TRIM8: variants seen among roughly 807,000 people sequenced by gnomAD.
TRIM8 encodes the protein tripartite motif containing 8, also known as E3 ubiquitin-protein ligase TRIM8.
TRIM8 carries 9 observed loss-of-function variants against 55.7 expected under a neutral mutation model. The observed-to-expected ratio is 0.16, with a 90% CI of 0.10 to 0.28. TRIM8 has a LOEUF of 0.28. Ranked by LOEUF, TRIM8 falls within the 10% of genes least tolerant of loss-of-function variation. The pLI, the probability that TRIM8 is intolerant of heterozygous loss-of-function variation, is 1.00. For synonymous variants in TRIM8, 335 were observed against 333.3 expected, an observed-to-expected ratio of 1.01 and a Z score of -0.06; for missense variants, 556 against 736.4, an observed-to-expected ratio of 0.76 and a Z score of 2.83.
At chr10:102,654,393 C>T (rs1184616412) in intron 1 of TRIM8, 6 of 354,762 alleles carry the variant, frequency 1.7e-5, no homozygotes, top group Non-Finnish European at 2.1e-5. Context: ...GCCGAGATCG[C>T]ACCACTGCAC....
rs761943893 is a variant in TRIM8, at chr10:102,644,873, C to G, written c.256C>G (p.Pro86Ala). The change falls in exon 1 of 6, where the codon CCG (proline) becomes GCG (alanine). Residue 86 changes from proline to alanine, a missense_variant. Physicochemically the swap from Pro to Ala is conservative, Grantham distance 27 (BLOSUM62 -1). This residue lies in a region of TRIM8 where 165 missense variants were observed against 295.3 expected (regional missense o/e 0.56). Coordinates refer to ENST00000643721, the MANE Select transcript of TRIM8 (RefSeq NM_030912.3). ...EKFNALHVEKPPAALHCVFCR... is the reference protein window; with the variant it reads ...EKFNALHVEKAPAALHCVFCR... ...GTTCAATGCCCTGCACGTGGAGAAG[C>G]CGCCGGCGGCGCTGCACTGCGTGTT... 14 of 1,611,572 alleles carry G rather than the reference C, an allele frequency of 8.7e-6. No homozygotes were observed. In the African/African-American group the frequency reaches 1.7e-4, roughly 20 times the overall value.
intron 1 of TRIM8, among the ~76,000 whole-genome samples, chr10:102,652,120 C>G (rs1296544526): frequency 6.6e-6 from 1 of 152,156 alleles, no homozygotes; most frequent in Non-Finnish European, 1.5e-5. Flanking sequence ...AGGTCCTGTC[C>G]TGGGTCACTG....
Position 102,656,225 on chromosome 10 carries a change from C to G in TRIM8, c.933-45C>G, listed in dbSNP as rs773076986. ...ATGGCGGGGAGGTAGGGCGGGCTCACCGGTGATGCCTCCTCACAGCAGATG... is the reference window on the plus strand; with the variant it reads ...ATGGCGGGGAGGTAGGGCGGGCTCAGCGGTGATGCCTCCTCACAGCAGATG... On this transcript the variant is annotated intron_variant, in intron 4 of 5. Coordinates refer to ENST00000643721, the MANE Select transcript of TRIM8 (RefSeq NM_030912.3). The surrounding 1 kb of genome is among the most constrained non-coding windows in gnomAD (Gnocchi z 4.6). 1.2e-6 allele frequency: 2 copies of G among 1,614,080 alleles called. No individual in the cohort carries two copies. Among genetic ancestry groups the G allele is most frequent in the Non-Finnish European group, 1.7e-6 (2 of 1,179,986 alleles).
chr10:102,649,968 T>TGG (rs1163086257), intron 1 of TRIM8, among the ~76,000 whole-genome samples: 1 of 151,956 alleles, frequency 6.6e-6, no homozygotes, highest in East Asian at 1.9e-4. Context: ...GAGCCAGAAC[T>TGG]GGAGCTGGCC....
intron 1 of TRIM8, chr10:102,653,824 G>A (rs1452880900): frequency 6.6e-6 from 1 of 152,240 alleles, no homozygotes; most frequent in Admixed American, 6.5e-5. Context: ...CGTGGCTATG[G>A]AAGGGAATTT....
At position 102,656,642 on chromosome 10, in the gene TRIM8, T is replaced by G. The variant is rs2064027364; in HGVS notation, c.1049-105T>G. 7 of 1,480,340 alleles carry G rather than the reference T, an allele frequency of 4.7e-6. No individual in the cohort carries two copies. Among genetic ancestry groups the G allele is most frequent in the Non-Finnish European group, 6.3e-6 (7 of 1,106,754 alleles). The allele number at this position is 1,480,340 out of a possible 1,614,324, so 91.7% of individuals were successfully genotyped here. ...GCAAGCATCACCTGAGATGTAACAT[T>G]CTTGGGCCTCTAGGTGTCAATGGTC... On this transcript the variant is annotated intron_variant, in intron 5 of 5. Coordinates refer to ENST00000643721, the MANE Select transcript of TRIM8 (RefSeq NM_030912.3). The surrounding 1 kb of genome is among the most constrained non-coding windows in gnomAD (Gnocchi z 4.6).
At chr10:102,649,129 C>T (rs1273495743) in intron 1 of TRIM8, 1 of 152,286 alleles carries the variant, frequency 6.6e-6, no homozygotes, top group East Asian at 1.9e-4. Flanking sequence ...ACATGGGTGT[C>T]TCTGAGAAGG....
chr10:102,651,867 G>GA (rs1329727785), intron 1 of TRIM8, among the ~76,000 whole-genome samples: 2 of 152,248 alleles, frequency 1.3e-5, no homozygotes, highest in African/African-American at 4.8e-5. Flanking sequence ...CCTTCCCTGT[G>GA]AGGGGGTTGG....
At position 102,644,881 on chromosome 10, in the gene TRIM8, G is replaced by A. The variant is rs754196622; in HGVS notation, c.264G>A (p.Ala88=). The change falls in exon 1 of 6, where the codon GCG becomes GCA. Residue 88 remains alanine, a synonymous_variant. Coordinates refer to ENST00000643721, the MANE Select transcript of TRIM8 (RefSeq NM_030912.3). ...CCCTGCACGTGGAGAAGCCGCCGGC[G>A]GCGCTGCACTGCGTGTTCTGCCGCC... ...FNALHVEKPP[A]ALHCVFCRRG... is the part of the protein sequence containing the mutation. 5.6e-6 allele frequency: 9 copies of A among 1,611,306 alleles called. No individual in the cohort carries two copies. The highest frequency in any genetic ancestry group is 6.8e-6 in the Non-Finnish European group (8 of 1,179,308).
chr10:102,644,842 G>A lies in TRIM8; in HGVS notation c.225G>A (p.Val75=), dbSNP rs1322879682. 2 of 1,612,834 alleles carry A rather than the reference G, an allele frequency of 1.2e-6. No homozygotes were observed. Among genetic ancestry groups the A allele is most frequent in the South Asian group, 2.2e-5 (2 of 91,040 alleles). Residue 75 remains valine, a synonymous_variant, in exon 1 of 6, where the codon GTG becomes GTA. Transcript: ENST00000643721. The part of the protein sequence containing the change: ...LEKNLKLTNI[V]EKFNALHVEK... The stretch of plus-strand genomic sequence containing the variant: ...AGAACCTGAAGCTCACCAACATCGT[G>A]GAGAAGTTCAATGCCCTGCACGTGG...
chr10:102,654,929 C>T (rs2064011318), intron 2 of TRIM8, 151 bp from the exon 3 acceptor site: 1 of 966,786 alleles, frequency 1.0e-6, no homozygotes, highest in South Asian at 1.4e-5. Context: ...CCTGTGCTAC[C>T]AGTGGGGAAC....
rs1021075569 is a variant in TRIM8, at chr10:102,645,377, G to C, written c.570+190G>C. 5 of 583,364 alleles carry C rather than the reference G, an allele frequency of 8.6e-6. No homozygotes were observed. The Admixed American group carries it at 1.5e-4, about 17-fold the overall frequency. 36.1% of individuals were successfully genotyped at this position (583,364 alleles called of 1,614,324 possible). On this transcript the variant is annotated intron_variant, in intron 1 of 5. Coordinates refer to ENST00000643721, the MANE Select transcript of TRIM8 (RefSeq NM_030912.3). ...AAGAAGGGCCCCGGGTCGCTACTTG[G>C]TACATTCTCGCACCTGTGCGCACAG...
In TRIM8 at chr10:102,656,795, C is replaced by G. The variant is rs1224480333; in HGVS notation, c.1097C>G (p.Pro366Arg). ...TTCCTGCAGAGTGTCCCCCTGTACCCTTGCGGCGTGAGCAGCTCTGGGGCG... is the reference window on the plus strand; with the variant it reads ...TTCCTGCAGAGTGTCCCCCTGTACCGTTGCGGCGTGAGCAGCTCTGGGGCG... ...VPFLQSVPLY[P>R]CGVSSSGAEK... The change falls in exon 6 of 6, where the codon CCT becomes CGT. Residue 366 changes from proline to arginine, a missense_variant. By Grantham distance (103) the Pro-to-Arg change is moderately radical (BLOSUM62 -2). Transcript: ENST00000643721. The surrounding 1 kb of genome is among the most constrained non-coding windows in gnomAD (Gnocchi z 4.6). 12 of 1,520,520 alleles carry G rather than the reference C, an allele frequency of 7.9e-6. No homozygotes were observed. Among genetic ancestry groups the G allele is most frequent in the African/African-American group, 1.4e-5 (1 of 71,840 alleles). 94.2% of individuals were successfully genotyped at this position (1,520,520 alleles called of 1,614,324 possible).
Position 102,656,713 on chromosome 10 carries a change from G to A in TRIM8, c.1049-34G>A, listed in dbSNP as rs769544425. 3 of 1,506,598 alleles carry A rather than the reference G, an allele frequency of 2.0e-6. No homozygotes were observed. Among genetic ancestry groups the A allele is most frequent in the South Asian group, 2.7e-5 (2 of 73,268 alleles). 93.3% of individuals were successfully genotyped at this position (1,506,598 alleles called of 1,614,324 possible). ...AGGAGGCCTGGGTTGCTTGGGGTGGGAGCTTTGGCGACTTTTGCCCCAACT... is the reference window on the plus strand; with the variant it reads ...AGGAGGCCTGGGTTGCTTGGGGTGGAAGCTTTGGCGACTTTTGCCCCAACT... On this transcript the variant is annotated intron_variant, in intron 5 of 5. Transcript: ENST00000643721. The surrounding 1 kb of genome is among the most constrained non-coding windows in gnomAD (Gnocchi z 4.6).
chr10:102,655,388 C>A, intron 3 of TRIM8, 75 bp downstream of exon 3: 1 of 1,349,892 alleles, frequency 7.4e-7, no homozygotes, highest in South Asian at 1.3e-5. Context: ...TTTCCTGCAC[C>A]TGTAGCTCAC....
intron 1 of TRIM8, chr10:102,653,815 G>C (rs138608259): frequency 6.6e-6 from 1 of 152,188 alleles, no homozygotes; most frequent in African/African-American, 2.4e-5. Context: ...AGAGGTTCAC[G>C]TGGCTATGGA....
chr10:102,654,993 T>A (rs2064011624), intron 2 of TRIM8, 87 bp from the exon 3 acceptor site: 6 of 1,469,736 alleles, frequency 4.1e-6, no homozygotes, highest in South Asian at 1.2e-5. Context: ...GACTTAGGGT[T>A]CTAGGATGTG....
chr10:102,645,299 C>A, intron 1 of TRIM8, 112 bp downstream of exon 1: 7 of 1,211,558 alleles, frequency 5.8e-6, no homozygotes, highest in Non-Finnish European at 7.7e-6. Flanking sequence ...TGACATCAGG[C>A]CAGTGGCCCC....
At chr10:102,649,627 G>A (rs764261759) in intron 1 of TRIM8, among the ~76,000 whole-genome samples, 7 of 152,206 alleles carry the variant, frequency 4.6e-5, no homozygotes, top group Non-Finnish European at 8.8e-5. Context: ...GCTGCTCTCT[G>A]CATGGCAAAA....
Sources: gnomAD v4.1 joint callset for allele counts (sites outside exome capture counted in the v4.1 genomes callset) on GRCh38, gnomAD v4.1.1 for gene constraint, gnomAD v4.1.1 regional missense constraint, Gnocchi (gnomAD v3.1) non-coding constraint, MANE v1.5 for transcripts, NCBI Gene and HGNC (gene_info 2026-07-23, HGNC 2026-07-21) for gene names.